Variants in ABCC1 observed in about 807,000 individuals in gnomAD.
The protein encoded by ABCC1 is ATP binding cassette subfamily C member 1 (ABCC1 blood group), also known as multidrug resistance-associated protein 1.
Under a neutral mutation model 172.9 loss-of-function variants are expected in ABCC1, and 83 were observed. The ratio of observed to expected loss-of-function variants is 0.48; its 90% CI spans 0.40 to 0.58. The LOEUF (loss-of-function observed/expected upper bound fraction) is 0.58, where lower values mean the gene tolerates loss of function less well. Ranked by LOEUF, ABCC1 falls within the 20% of genes least tolerant of loss-of-function variation. The pLI, the probability that ABCC1 is intolerant of heterozygous loss-of-function variation, is 0.00. For synonymous variants in ABCC1, 937 were observed against 825.2 expected, an observed-to-expected ratio of 1.14 and a Z score of -2.32; for missense variants, 1,817 against 2,002.7, an observed-to-expected ratio of 0.91 and a Z score of 1.77.
chr16:16,029,935 T>C (rs532744536), intron 5 of ABCC1, among the ~76,000 whole-genome samples: 1 of 152,350 alleles, frequency 6.6e-6, no homozygotes, highest in African/African-American at 2.4e-5. Flanking sequence ...ATTGTGTTTG[T>C]ACAATGGCTC....
chr16:15,999,297 G>A (rs1328132598), intron 1 of ABCC1, among the ~76,000 whole-genome samples: 5 of 152,054 alleles, frequency 3.3e-5, no homozygotes, highest in African/African-American at 7.2e-5. Flanking sequence ...GAGCCACTGT[G>A]CCCAGCCAAA....
At chr16:16,002,400 G>A (rs928524529) in intron 1 of ABCC1, among the ~76,000 whole-genome samples, 1 of 152,196 alleles carries the variant, frequency 6.6e-6, no homozygotes, top group African/African-American at 2.4e-5. Context: ...ATAGGGAATG[G>A]AATGAGAAGA....
intron 8 of ABCC1, 112 bp downstream of exon 8, chr16:16,044,792 C>G: frequency 1.1e-6 from 1 of 894,144 alleles, no homozygotes; most frequent in African/African-American, 1.7e-5. Flanking sequence ...GGGCTCATAG[C>G]CAGATGTCTC....
chr16:16,043,160 G>A (rs940820349), intron 7 of ABCC1, among the ~76,000 whole-genome samples: 4 of 145,060 alleles, frequency 2.8e-5, no homozygotes, highest in Admixed American at 2.1e-4. Context: ...ACTGCACCCA[G>A]TCAAAAAAAA....
At chr16:16,076,292 C>T (rs749379326) in intron 14 of ABCC1, 34 bp from the exon 15 acceptor site, 36 of 1,607,124 alleles carry the variant, frequency 2.2e-5, no homozygotes, top group Non-Finnish European at 2.9e-5. Flanking sequence ...TCGCACAGCT[C>T]AGCCTGTCCC....
chr16:15,955,534 C>T (rs1246545435), intron 1 of ABCC1, among the ~76,000 whole-genome samples: 2 of 152,160 alleles, frequency 1.3e-5, no homozygotes, highest in Non-Finnish European at 2.9e-5. Context: ...CCCTTGGCCT[C>T]CCTGACCTCT....
At chr16:16,078,515 G>A (rs1289009498) in intron 15 of ABCC1, among the ~76,000 whole-genome samples, 3 of 152,114 alleles carry the variant, frequency 2.0e-5, no homozygotes, top group Admixed American at 6.5e-5. Context: ...TTAGCACAGC[G>A]TCCTTCCAGG....
intron 20 of ABCC1, among the ~76,000 whole-genome samples, chr16:16,104,062 C>T (rs1434620367): frequency 1.3e-5 from 2 of 152,120 alleles, no homozygotes; most frequent in East Asian, 1.9e-4. Context: ...TTCGTTCCTC[C>T]CGCTGGGTTT....
At chr16:16,009,508 G>A (rs141443777) in intron 2 of ABCC1, among the ~76,000 whole-genome samples, 12 of 152,088 alleles carry the variant, frequency 7.9e-5, no homozygotes, top group African/African-American at 2.7e-4. Context: ...TTCAGGCACC[G>A]GGGAGCATGG....
chr16:16,042,923 A>G (rs1348268824), intron 7 of ABCC1, among the ~76,000 whole-genome samples: 1 of 151,402 alleles, frequency 6.6e-6, no homozygotes, highest in African/African-American at 2.4e-5. Context: ...CAGTGGCACA[A>G]CCTCGGCTCA....
chr16:15,962,396 C>G (rs554357124), intron 1 of ABCC1, among the ~76,000 whole-genome samples: 3 of 152,296 alleles, frequency 2.0e-5, no homozygotes, highest in African/African-American at 7.2e-5. Context: ...GCAGAGTTTT[C>G]TGATCACAAG....
chr16:16,104,645 T>C (rs2152066646), intron 20 of ABCC1, among the ~76,000 whole-genome samples: 1 of 152,306 alleles, frequency 6.6e-6, no homozygotes, highest in East Asian at 1.9e-4. Context: ...TGGAGCTGCC[T>C]GCCAGTCCCG....
At chr16:15,980,209 T>C (rs1488363536) in intron 1 of ABCC1, among the ~76,000 whole-genome samples, 1 of 152,116 alleles carries the variant, frequency 6.6e-6, no homozygotes, top group African/African-American at 2.4e-5. Flanking sequence ...TCTTATAATA[T>C]GTATTTAAAA....
At chr16:16,136,669 A>G (rs1213488228) in intron 29 of ABCC1, 25 bp downstream of exon 29, 1 of 1,612,236 alleles carries the variant, frequency 6.2e-7, no homozygotes, top group Admixed American at 1.7e-5. Context: ...ACAAGGAGAC[A>G]CCGGGTAAGG....
At chr16:15,971,598 C>T (rs892988767) in intron 1 of ABCC1, among the ~76,000 whole-genome samples, 46 of 152,136 alleles carry the variant, frequency 3.0e-4, no homozygotes, top group African/African-American at 1.1e-3. Context: ...TTTTGGGCGA[C>T]GACTTCTTCT....
At chr16:16,090,653 T>A in intron 19 of ABCC1, 65 bp downstream of exon 19, 1 of 1,457,822 alleles carries the variant, frequency 6.9e-7, no homozygotes, top group Non-Finnish European at 9.1e-7. Context: ...CACATTGGCC[T>A]CTTTGAGGTT....
chr16:16,068,679 C>T (rs1273377556), intron 13 of ABCC1, among the ~76,000 whole-genome samples: 1 of 152,028 alleles, frequency 6.6e-6, no homozygotes, highest in Non-Finnish European at 1.5e-5. Flanking sequence ...CTTGACCACC[C>T]ACGCTTTGAG....
chr16:15,966,474 C>T (rs995297219), intron 1 of ABCC1, among the ~76,000 whole-genome samples: 7 of 151,696 alleles, frequency 4.6e-5, no homozygotes, highest in African/African-American at 1.7e-4. Context: ...GCTGGAGACC[C>T]GTGGCCAGGA....
At position 16,007,874 on chromosome 16, in the gene ABCC1, C is replaced by T. The variant is rs1182782351; in HGVS notation, c.107C>T (p.Thr36Met). The change falls in exon 2 of 31, where the codon ACG becomes ATG. Residue 36 changes from threonine (T) to methionine (M), a missense_variant. Physicochemically the swap from Thr to Met is moderately conservative, Grantham distance 81 (BLOSUM62 -1). Coordinates refer to ENST00000399410, the MANE Select transcript of ABCC1 (RefSeq NM_004996.4). Reference protein sequence around the residue: ...NPDFTKCFQNTVLVWVPCFYL... With the variant: ...NPDFTKCFQNMVLVWVPCFYL... ...GACTTCACCAAGTGCTTTCAGAACA[C>T]GGTCCTCGTGTGGGTGCCTTGTTTT... The T allele has an allele frequency of 1.5e-5, 24 of 1,613,492 alleles. No individual in the cohort carries two copies. The highest frequency in any genetic ancestry group is 2.7e-5 in the African/African-American group (2 of 74,896).
Sources: gnomAD v4.1 joint callset for allele counts (sites outside exome capture counted in the v4.1 genomes callset) on GRCh38, gnomAD v4.1.1 for gene constraint, MANE v1.5 for transcripts, NCBI Gene and HGNC (gene_info 2026-07-23, HGNC 2026-07-21) for gene names.